The following PCDH18 variants were observed in gnomAD, a reference collection of about 807,000 sequenced individuals.
PCDH18 encodes protocadherin-18.
A neutral mutation model predicts 71.5 loss-of-function variants in PCDH18; 38 were observed. That is an observed-to-expected ratio of 0.53 (90% CI 0.41 to 0.70). The LOEUF is 0.70. PCDH18 is among the 30% of genes least tolerant of loss of function. PCDH18 has a pLI of 0.00. For missense variants in PCDH18, 1,334 were observed against 1,384.6 expected (o/e 0.96, Z 0.58); for synonymous variants, 565 against 505.4 (o/e 1.12, Z -1.58).
intron 3 of PCDH18, among the ~76,000 whole-genome samples, chr4:137,524,548 A>G (rs1381472865): frequency 1.3e-5 from 2 of 152,160 alleles, no homozygotes; most frequent in Non-Finnish European, 2.9e-5. Context: ...ACCTAAAACA[A>G]ACTTTGAAAG....
Position 137,528,657 on chromosome 4 carries a change from A to G in PCDH18, c.2577-16T>C. 2.5e-6 allele frequency: 4 copies of G among 1,599,372 alleles called. No homozygotes were observed. In the East Asian group the frequency reaches 8.9e-5, roughly 36 times the overall value. ...AAGGGCATATCTGGAAAGATAAATC[A>G]CAAAAAAAAATTACAGTTTTTACTC... On this transcript the variant is annotated splice_polypyrimidine_tract_variant and intron_variant, in intron 2 of 3. Coordinates refer to ENST00000344876, the MANE Select transcript of PCDH18 (RefSeq NM_019035.5).
chr4:137,519,133 A>C lies in PCDH18; in HGVS notation c.*1896T>G, dbSNP rs185003334. 283 of 152,290 alleles carry C rather than the reference A, an allele frequency of 1.9e-3. No individual in the cohort carries two copies. Among genetic ancestry groups the C allele is most frequent in the African/African-American group, 6.5e-3 (269 of 41,562 alleles). The allele number at this position is 152,290 out of a possible 1,614,324, so 9.4% of individuals were successfully genotyped here. A position where few individuals can be genotyped will look rare whatever the true frequency, so the allele number is the denominator to read the frequency against. ...AGCGTTTGTGTGTGTAATCTACTGA[A>C]AAATATACTGAAATTTCACTTGTAA... On this transcript the variant is annotated 3_prime_UTR_variant, in exon 4 of 4. Coordinates refer to ENST00000344876, the MANE Select transcript of PCDH18 (RefSeq NM_019035.5).
Position 137,532,427 on chromosome 4 carries a change from T to C in PCDH18, c.-339A>G, listed in dbSNP as rs113392209. The C allele has an allele frequency of 3.2e-3, 2,228 of 686,080 alleles. 45 individuals are homozygous for C. The African/African-American group carries it at 0.034, about 10-fold the overall frequency. 42.5% of individuals were successfully genotyped at this position (686,080 alleles called of 1,614,324 possible). On this transcript the variant is annotated 5_prime_UTR_variant, in exon 1 of 4. Transcript: ENST00000344876. ...TCTGCAGTGTGTCTTTCCTGAGCGA[T>C]TCTTTCTCCCTTTAGCTGCTCGGCT...
Position 137,531,107 on chromosome 4 carries a change from C to A in PCDH18, c.982G>T (p.Asp328Tyr), listed in dbSNP as rs776783693. The change falls in exon 1 of 4, where the codon GAT becomes TAT. Residue 328 changes from aspartate to tyrosine, a missense_variant. This residue lies in a region of PCDH18 where 1,011 missense variants were observed against 1,048.0 expected (regional missense o/e 0.96). Transcript: ENST00000344876. ...GCTGGGATTGAATTTGGACCCAAAT[C>A]TTGAGCCTGAACATCAATCTCATAG... Reference protein sequence around the residue: ...KSYEIDVQAQDLGPNSIPAHC... With the variant: ...KSYEIDVQAQYLGPNSIPAHC... The A allele has an allele frequency of 6.2e-7, 1 of 1,613,744 alleles. No homozygotes were observed.
intron 3 of PCDH18, among the ~76,000 whole-genome samples, chr4:137,526,388 A>C (rs947555811): frequency 6.6e-6 from 1 of 152,164 alleles, no homozygotes; most frequent in African/African-American, 2.4e-5. Flanking sequence ...ATGAAATTAC[A>C]TTATTTAAAA....
Position 137,519,915 on chromosome 4 carries a change from T to C in PCDH18, c.*1114A>G, listed in dbSNP as rs940978405. 2 of 152,392 alleles carry C rather than the reference T, an allele frequency of 1.3e-5. No individual in the cohort carries two copies. Among genetic ancestry groups the C allele is most frequent in the Non-Finnish European group, 2.9e-5 (2 of 68,006 alleles). 9.4% of individuals were successfully genotyped at this position (152,392 alleles called of 1,614,324 possible). A position where few individuals can be genotyped will look rare whatever the true frequency, so the allele number is the denominator to read the frequency against. On this transcript the variant is annotated 3_prime_UTR_variant, in exon 4 of 4. Coordinates refer to ENST00000344876, the MANE Select transcript of PCDH18 (RefSeq NM_019035.5). ...ATTTGCCACACAACAAATAAAACAA[T>C]TGCAGTAACAAAAATATGATTTTAT...
intron 3 of PCDH18, among the ~76,000 whole-genome samples, chr4:137,526,346 A>G (rs553827118): frequency 1.2e-4 from 18 of 152,242 alleles, no homozygotes; most frequent in African/African-American, 4.3e-4. Context: ...TATTGATGTC[A>G]TGCCCACTAT....
intron 3 of PCDH18, among the ~76,000 whole-genome samples, chr4:137,526,760 T>C (rs1307828117): frequency 6.6e-6 from 1 of 151,970 alleles, no homozygotes; most frequent in African/African-American, 2.4e-5. Flanking sequence ...GGGTATGTCA[T>C]AAGTCTTTAG....
Position 137,531,894 on chromosome 4 carries a change from T to C in PCDH18, c.195A>G (p.Arg65=). The change falls in exon 1 of 4, where the codon CGA becomes CGG. Residue 65 remains arginine (R), a synonymous_variant. Transcript: ENST00000344876. ...AATTTCCCCTCTGCATGGCTCGAAA[T>C]CGAACAGTAGAAGGATTAGGAAGCT... is the stretch of plus-strand genomic sequence containing the variant. ...LLKLPNPSTV[R]FRAMQRGNSP... The C allele has an allele frequency of 1.2e-6, 2 of 1,614,002 alleles. No individual in the cohort carries two copies. Among genetic ancestry groups the C allele is most frequent in the Non-Finnish European group, 1.7e-6 (2 of 1,179,978 alleles).
chr4:137,528,252 G>T (rs911306429), intron 3 of PCDH18, among the ~76,000 whole-genome samples: 4 of 152,012 alleles, frequency 2.6e-5, no homozygotes, highest in South Asian at 2.1e-4. Context: ...AAGCTGTCAT[G>T]CTTACTCGTT....
chr4:137,532,033 A>G lies in PCDH18; in HGVS notation c.56T>C (p.Val19Ala), dbSNP rs751133349. 4.3e-6 allele frequency: 7 copies of G among 1,613,484 alleles called. No individual in the cohort carries two copies. The highest frequency in any genetic ancestry group is 1.7e-4 in the Middle Eastern group (1 of 6,058). ...HFRFVFALLI[V>A]SFNHDVLGKN... ...GCCCAGTACATCGTGGTTGAAAGAT[A>G]CTATCAGAAGTGCAAAAACAAACCT... The change falls in exon 1 of 4, where the codon GTA becomes GCA. Residue 19 changes from valine (V) to alanine (A), a missense_variant. Around this residue, in one of 3 missense-constraint regions of PCDH18, gnomAD observed 1,011 missense variants for 1,048.0 expected, o/e 0.96. Coordinates refer to ENST00000344876, the MANE Select transcript of PCDH18 (RefSeq NM_019035.5).
Position 137,530,550 on chromosome 4 carries a change from G to A in PCDH18, c.1539C>T (p.Ser513=). The A allele has an allele frequency of 6.2e-7, 1 of 1,613,950 alleles. No homozygotes were observed. The highest frequency in any genetic ancestry group is 2.2e-5 in the East Asian group (1 of 44,860). Residue 513 remains serine, a synonymous_variant, in exon 1 of 4, where the codon TCC becomes TCT. Coordinates refer to ENST00000344876, the MANE Select transcript of PCDH18 (RefSeq NM_019035.5). ...GGTCAATGGTTACATATGTAGTTATGGAACTTCCTAGAATAAAACTCTCCA... is the reference window on the plus strand; with the variant it reads ...GGTCAATGGTTACATATGTAGTTATAGAACTTCCTAGAATAAAACTCTCCA... The part of the protein sequence containing the change: ...TILESFILGS[S]ITTYVTIDPS...
Position 137,530,974 on chromosome 4 carries a change from C to T in PCDH18, c.1115G>A (p.Gly372Glu). 6.2e-7 allele frequency: 1 copy of T among 1,613,414 alleles called. No homozygotes were observed. Among genetic ancestry groups the T allele is most frequent in the Non-Finnish European group, 8.5e-7 (1 of 1,179,754 alleles). The change falls in exon 1 of 4, where the codon GGG becomes GAG. Residue 372 changes from glycine (G) to glutamate (E), a missense_variant. Gly to Glu is a moderately conservative substitution (Grantham distance 98). Around this residue, in one of 3 missense-constraint regions of PCDH18, gnomAD observed 1,011 missense variants for 1,048.0 expected, o/e 0.96. Coordinates refer to ENST00000344876, the MANE Select transcript of PCDH18 (RefSeq NM_019035.5). ...GKEEISYIFE[G>E]DPIDTFVALV... ...AGCAACAAATGTATCAATAGGATCC[C>T]CTTCAAAAATATAAGATATTTCTTC...
At chr4:137,525,222 A>G (rs1369585671) in intron 3 of PCDH18, among the ~76,000 whole-genome samples, 1 of 152,168 alleles carries the variant, frequency 6.6e-6, no homozygotes, top group African/African-American at 2.4e-5. Context: ...CAGACAAAAA[A>G]ATGCATACCA....
intron 3 of PCDH18, among the ~76,000 whole-genome samples, chr4:137,524,561 G>A (rs985038158): frequency 6.6e-6 from 1 of 152,084 alleles, no homozygotes; most frequent in Non-Finnish European, 1.5e-5. Flanking sequence ...TTTGAAAGAT[G>A]AATAGGATTC....
In PCDH18 at chr4:137,520,264, T is replaced by C. The variant is rs1731250051; in HGVS notation, c.*765A>G. The stretch of plus-strand genomic sequence containing the variant: ...TACAAGGATGGAATAAAATTTATTG[T>C]TTACCATAATTATAAGTAGATAATA... On this transcript the variant is annotated 3_prime_UTR_variant, in exon 4 of 4. Coordinates refer to ENST00000344876, the MANE Select transcript of PCDH18 (RefSeq NM_019035.5). 1 of 152,436 alleles carries C rather than the reference T, an allele frequency of 6.6e-6. No homozygotes were observed. Among genetic ancestry groups the C allele is most frequent in the Non-Finnish European group, 1.5e-5 (1 of 68,016 alleles). 9.4% of individuals were successfully genotyped at this position (152,436 alleles called of 1,614,324 possible).
intron 3 of PCDH18, among the ~76,000 whole-genome samples, chr4:137,527,611 T>C (rs896261575): frequency 7.2e-5 from 11 of 151,750 alleles, no homozygotes; most frequent in African/African-American, 2.7e-4. Context: ...AGATGGGTGA[T>C]ATTGTGTTGT....
intron 3 of PCDH18, among the ~76,000 whole-genome samples, chr4:137,527,812 G>A (rs58475155): frequency 0.2 from 30,729 of 151,982 alleles, 3,477 homozygotes; most frequent in East Asian, 0.36. Context: ...TAGAGGGAAG[G>A]AACTCCAAGG....
Position 137,520,830 on chromosome 4 carries a change from G to A in PCDH18, c.*199C>T, listed in dbSNP as rs1280222124. 5 of 480,000 alleles carry A rather than the reference G, an allele frequency of 1.0e-5. No individual in the cohort carries two copies. The highest frequency in any genetic ancestry group is 2.0e-5 in the African/African-American group (1 of 50,860). 29.7% of individuals were successfully genotyped at this position (480,000 alleles called of 1,614,324 possible). ...TTACACATAAATATAAGGTACAAAT[G>A]TATTTTTAAAATACAGATTAAAATA... On this transcript the variant is annotated 3_prime_UTR_variant, in exon 4 of 4. Coordinates refer to ENST00000344876, the MANE Select transcript of PCDH18 (RefSeq NM_019035.5).
Sources: gnomAD v4.1 joint callset for allele counts (sites outside exome capture counted in the v4.1 genomes callset) on GRCh38, gnomAD v4.1.1 for gene constraint, gnomAD v4.1.1 regional missense constraint, MANE v1.5 for transcripts, NCBI Gene and HGNC (gene_info 2026-07-23, HGNC 2026-07-21) for gene names.